The following SPG7 variants were observed in gnomAD, a reference collection of about 807,000 sequenced individuals.
The protein encoded by SPG7 is mitochondrial inner membrane m-AAA protease component paraplegin.
A neutral mutation model predicts 81.9 loss-of-function variants in SPG7; 103 were observed. That is an observed-to-expected ratio of 1.26 (90% confidence interval 1.07 to 1.48). The LOEUF is 1.48. SPG7 is among the 40% of genes most tolerant of loss of function. The probability of loss-of-function intolerance (pLI) is 0.00; values close to 1 mark genes in which losing one functional copy is unlikely to be tolerated. For synonymous variants in SPG7, 534 were observed against 444.2 expected (o/e 1.20, Z -2.54); for missense variants, 1,241 against 1,087.3 (o/e 1.14, Z -1.99).
intron 12 of SPG7, chr16:89,549,086 C>CCG: frequency 2.2e-6 from 1 of 456,286 alleles, no homozygotes; most frequent in Non-Finnish European, 4.4e-6. Flanking sequence ...GACAGCCCTG[C>CCG]GGGTCGAGAG....
Position 89,513,529 on chromosome 16 carries a change from A to T in SPG7, c.376+492A>T, listed in dbSNP as rs529090566. Reference sequence around the variant, plus strand: ...AAAACTCCATCTCAAAAAAAAAAAAATTTAAATTTAAATTTAAAAAGACCC... The same window carrying T: ...AAAACTCCATCTCAAAAAAAAAAAATTTTAAATTTAAATTTAAAAAGACCC... On this transcript the variant is annotated intron_variant, in intron 3 of 16. Transcript: ENST00000645818. Among the ~76,000 whole-genome samples, 789 of 152,002 alleles carry T rather than the reference A, an allele frequency of 5.2e-3. 10 individuals carry two copies. The highest frequency in any genetic ancestry group is 0.018 in the African/African-American group (737 of 41,442).
At chr16:89,548,608 C>T in intron 12 of SPG7, 1 of 314,836 alleles carries the variant, frequency 3.2e-6, no homozygotes, top group South Asian at 2.6e-5. Flanking sequence ...CTCATGGTCC[C>T]GACCGTCAGT....
At chr16:89,536,534 GAGGTCAGGTGAGGC>G (rs1418002437) in intron 9 of SPG7, among the ~76,000 whole-genome samples, 1 of 141,968 alleles carries the variant, frequency 7.0e-6, no homozygotes, top group Non-Finnish European at 1.5e-5. Context: ...TGAGGCGGGT[GAGGTCAGGTGAGGC>G]AGGTGAGGTG....
intron 6 of SPG7, 53 bp downstream of exon 6, chr16:89,529,632 A>G: frequency 7.5e-7 from 1 of 1,338,190 alleles, no homozygotes; most frequent in Non-Finnish European, 1.1e-6. Flanking sequence ...GTGTTTGCTG[A>G]ATACTTTTCC....
chr16:89,537,342 C>T (rs2058439142), intron 9 of SPG7: 1 of 1,173,254 alleles, frequency 8.5e-7, no homozygotes, highest in South Asian at 2.3e-5. Context: ...GATGGACGTC[C>T]AGGTCCCGGC....
chr16:89,556,835 G>C (rs2058691667), intron 16 of SPG7, 52 bp from the exon 17 acceptor site: 2 of 1,414,888 alleles, frequency 1.4e-6, no homozygotes, highest in South Asian at 1.2e-5. Context: ...AGGACATAGA[G>C]ATGCTCTGTC....
At chr16:89,525,114 C>T (rs1414777400) in intron 4 of SPG7, among the ~76,000 whole-genome samples, 1 of 151,932 alleles carries the variant, frequency 6.6e-6, no homozygotes, top group Non-Finnish European at 1.5e-5. Flanking sequence ...CGCGCACCAC[C>T]ACACTTGGCT....
chr16:89,512,470 G>A (rs879277445), intron 2 of SPG7, among the ~76,000 whole-genome samples: 13 of 151,930 alleles, frequency 8.6e-5, no homozygotes, highest in South Asian at 2.1e-4. Context: ...CTGCCAACAC[G>A]TCCGGCTAAT....
In SPG7 at chr16:89,512,969, C is replaced by T. The variant is rs746764772; in HGVS notation, c.308C>T (p.Thr103Ile). 3.7e-6 allele frequency: 6 copies of T among 1,613,146 alleles called. No individual in the cohort carries two copies. The highest frequency in any genetic ancestry group is 2.5e-6 in the Non-Finnish European group (3 of 1,179,428). The change falls in exon 3 of 17, where the codon ACC becomes ATC. Residue 103 changes from threonine to isoleucine, a missense_variant. Transcript: ENST00000645818. ...QLLGGTFYFN[T>I]SRLKQKNKEK... is the part of the protein sequence containing the mutation. ...ATAGGTGGTACTTTCTATTTTAACA[C>T]CTCAAGGTTGAAGCAGAAGAATAAG...
At chr16:89,542,601 G>A (rs1480628835) in intron 9 of SPG7, among the ~76,000 whole-genome samples, 1 of 152,190 alleles carries the variant, frequency 6.6e-6, no homozygotes, top group African/African-American at 2.4e-5. Flanking sequence ...GGAGCGATTT[G>A]CTTGGGAGTG....
chr16:89,545,196 G>C (rs992323028), intron 10 of SPG7: 1 of 342,134 alleles, frequency 2.9e-6, no homozygotes, highest in African/African-American at 2.1e-5. Flanking sequence ...CTCTGGGGAC[G>C]TGGACTGTGC....
At chr16:89,545,239 C>A (rs909218268) in intron 10 of SPG7, 1 of 299,186 alleles carries the variant, frequency 3.3e-6, no homozygotes, top group African/African-American at 2.2e-5. Flanking sequence ...GAGTAGAAGT[C>A]CTGAGGCCTC....
chr16:89,554,205 G>A (rs766406706), intron 15 of SPG7, among the ~76,000 whole-genome samples: 4 of 151,110 alleles, frequency 2.6e-5, no homozygotes, highest in East Asian at 2.0e-4. Flanking sequence ...TAAATACACC[G>A]AGCAATAGAC....
At chr16:89,509,516 TG>T (rs2057983382) in intron 1 of SPG7, among the ~76,000 whole-genome samples, 1 of 152,242 alleles carries the variant, frequency 6.6e-6, no homozygotes, top group Non-Finnish European at 1.5e-5. Flanking sequence ...CCCAAAGTGC[TG>T]GGATTACAGG....
chr16:89,541,769 G>C (rs989891932), intron 9 of SPG7: 3 of 152,202 alleles, frequency 2.0e-5, no homozygotes, highest in African/African-American at 4.8e-5. Context: ...TCACACCAGG[G>C]ATCCGGTCCC....
chr16:89,513,965 T>C (rs1187889165), intron 3 of SPG7, among the ~76,000 whole-genome samples: 1 of 152,140 alleles, frequency 6.6e-6, no homozygotes, highest in Admixed American at 6.5e-5. Context: ...GTTTCAGGAG[T>C]GACGTCCTTC....
chr16:89,537,783 G>A (rs2058446022), intron 9 of SPG7: 1 of 985,456 alleles, frequency 1.0e-6, no homozygotes, highest in Non-Finnish European at 1.2e-6. Context: ...GGCAGTGAAT[G>A]AGGTCCTGGG....
intron 9 of SPG7, chr16:89,543,169 C>T (rs182569106): frequency 4.6e-5 from 7 of 151,704 alleles, no homozygotes; most frequent in Admixed American, 6.6e-5. Flanking sequence ...GGATGCTCTC[C>T]ATCTGCTGAC....
intron 3 of SPG7, chr16:89,522,841 C>T (rs2058207288): frequency 6.6e-6 from 1 of 152,574 alleles, no homozygotes; most frequent in Non-Finnish European, 1.5e-5. Context: ...AGTGGCCATC[C>T]TGGCTGTCCT....
Sources: allele counts gnomAD v4.1 joint callset (sites outside exome capture counted in the v4.1 genomes callset), GRCh38; gene constraint gnomAD v4.1.1; transcripts MANE v1.5; gene names NCBI Gene and HGNC (gene_info 2026-07-23, HGNC 2026-07-21).